The following PIK3C2G variants were observed in gnomAD, a reference collection of about 807,000 sequenced individuals.
PIK3C2G encodes the protein phosphatidylinositol 3-kinase C2 domain-containing subunit gamma.
A neutral mutation model predicts 181.1 loss-of-function variants in PIK3C2G; 168 were observed. The ratio of observed to expected loss-of-function variants is 0.93; its 90% CI spans 0.82 to 1.05. The LOEUF is 1.05. Among genes scored for constraint, PIK3C2G ranks in the 50% least tolerant of loss-of-function variants. The probability of loss-of-function intolerance (pLI) is 0.00; values close to 1 mark genes in which losing one functional copy is unlikely to be tolerated. For synonymous variants in PIK3C2G, 573 were observed against 592.2 expected (o/e 0.97, Z 0.47); for missense variants, 1,869 against 1,732.8 (o/e 1.08, Z -1.40).
chr12:18,445,987 T>C (rs1238118067), intron 18 of PIK3C2G, among the ~76,000 whole-genome samples: 1 of 152,216 alleles, frequency 6.6e-6, no homozygotes, highest in African/African-American at 2.4e-5. Flanking sequence ...CATTGTAGTC[T>C]CATTTGCATC....
intron 28 of PIK3C2G, among the ~76,000 whole-genome samples, chr12:18,564,427 A>G (rs1462740916): frequency 6.6e-6 from 1 of 150,920 alleles, no homozygotes; most frequent in African/African-American, 2.4e-5. Context: ...GGCATACTTG[A>G]TACATGTGGA....
At chr12:18,428,316 C>T (rs1945954699) in intron 18 of PIK3C2G, among the ~76,000 whole-genome samples, 1 of 150,426 alleles carries the variant, frequency 6.6e-6, no homozygotes. Context: ...AATATCTTTC[C>T]TTAAAAAAAA....
chr12:18,257,343 A>G (rs1426503045), upstream of PIK3C2G, among the ~76,000 whole-genome samples: 1 of 152,204 alleles, frequency 6.6e-6, no homozygotes, highest in Non-Finnish European at 1.5e-5. Context: ...GATTCATTTA[A>G]CACAGAGAAT....
intron 23 of PIK3C2G, 129 bp from the exon 24 acceptor site, chr12:18,505,163 C>A: frequency 1.4e-6 from 1 of 698,448 alleles, no homozygotes; most frequent in Non-Finnish European, 2.4e-6. Context: ...CTCCTGTCCA[C>A]TGAGATGTAG....
At chr12:18,417,221 G>A (rs1945231015) in intron 16 of PIK3C2G, among the ~76,000 whole-genome samples, 1 of 152,194 alleles carries the variant, frequency 6.6e-6, no homozygotes, top group African/African-American at 2.4e-5. Context: ...TTGAAGGGAT[G>A]AGGAGTTGCT....
At chr12:18,397,072 A>G (rs937875420) in intron 15 of PIK3C2G, among the ~76,000 whole-genome samples, 1 of 151,952 alleles carries the variant, frequency 6.6e-6, no homozygotes, top group Non-Finnish European at 1.5e-5. Flanking sequence ...GGACAGGCAA[A>G]TAGATCAACA....
At chr12:18,357,228 A>G (rs1940824598) in intron 11 of PIK3C2G, among the ~76,000 whole-genome samples, 1 of 152,170 alleles carries the variant, frequency 6.6e-6, no homozygotes, top group Non-Finnish European at 1.5e-5. Flanking sequence ...CATATATAAT[A>G]GTTTAAATTA....
chr12:18,480,708 A>T (rs76152346), intron 18 of PIK3C2G, among the ~76,000 whole-genome samples: 375 of 152,212 alleles, frequency 2.5e-3, no homozygotes, highest in Admixed American at 7.3e-3. Context: ...AAGTGACCAT[A>T]CCATTTCTAA....
At chr12:18,296,466 G>C (rs1392031850) in intron 5 of PIK3C2G, among the ~76,000 whole-genome samples, 1 of 151,928 alleles carries the variant, frequency 6.6e-6, no homozygotes, top group Non-Finnish European at 1.5e-5. Flanking sequence ...AATGACTTAA[G>C]AACTTAGACT....
chr12:18,343,338 A>G lies in PIK3C2G; in HGVS notation c.1407A>G (p.Gln469=). 7.3e-7 allele frequency: 1 copy of G among 1,369,094 alleles called. No individual in the cohort carries two copies. The highest frequency in any genetic ancestry group is 1.5e-5 in the African/African-American group (1 of 68,874). The allele number at this position is 1,369,094 out of a possible 1,614,324, so 84.8% of individuals were successfully genotyped here. ...ACATTTTTTTTCAGAATTTTTATCAAAGTTCAGAGACTTCAGCAAAAGGTA... is the reference window on the plus strand; with the variant it reads ...ACATTTTTTTTCAGAATTTTTATCAGAGTTCAGAGACTTCAGCAAAAGGTA... The part of the protein sequence containing the change: ...ILQRKGENFY[Q]SSETSAKGLI... The change falls in exon 10 of 33, where the codon CAA becomes CAG. Residue 469 remains glutamine, a synonymous_variant. Coordinates refer to ENST00000538779, the MANE Select transcript of PIK3C2G (RefSeq NM_001288772.2).
intron 6 of PIK3C2G, among the ~76,000 whole-genome samples, chr12:18,317,179 A>G (rs1950904577): frequency 6.6e-6 from 1 of 151,362 alleles, no homozygotes; most frequent in African/African-American, 2.4e-5. Context: ...ATGCCTGGCT[A>G]ATTTTTGTAT....
the PIK3C2G span, chr12:18,712,828 A>G: frequency 1.2e-6 from 2 of 1,612,734 alleles, no homozygotes; most frequent in South Asian, 2.2e-5. Flanking sequence ...AGTTGAACAA[A>G]GATATGTACA....
intron 31 of PIK3C2G, among the ~76,000 whole-genome samples, chr12:18,629,894 T>G (rs1949274315): frequency 6.6e-6 from 1 of 152,236 alleles, no homozygotes; most frequent in Non-Finnish European, 1.5e-5. Context: ...TAACAGGAAC[T>G]ATTTCAATTA....
At chr12:18,669,079 T>G in the PIK3C2G span, among the ~76,000 whole-genome samples, 1 of 152,202 alleles carries the variant, frequency 6.6e-6, no homozygotes, top group Non-Finnish European at 1.5e-5. Context: ...TGTTCTGCAT[T>G]TTCATGGTAC....
the PIK3C2G span, among the ~76,000 whole-genome samples, chr12:18,668,866 A>G: frequency 6.6e-6 from 1 of 152,146 alleles, no homozygotes; most frequent in South Asian, 2.1e-4. Context: ...ACACCGGACA[A>G]AAATTCTGAT....
the PIK3C2G span, among the ~76,000 whole-genome samples, chr12:18,707,287 C>T: frequency 6.6e-6 from 1 of 152,122 alleles, no homozygotes; most frequent in Non-Finnish European, 1.5e-5. Flanking sequence ...TAGAGTGAGT[C>T]CACTGACTCA....
intron 13 of PIK3C2G, among the ~76,000 whole-genome samples, chr12:18,376,290 G>A (rs561463085): frequency 6.6e-6 from 1 of 152,266 alleles, no homozygotes. Context: ...TGGAGTCAAG[G>A]GTTATTTTGG....
At chr12:18,371,100 A>G in intron 12 of PIK3C2G, 80 bp from the exon 13 acceptor site, 1 of 1,179,668 alleles carries the variant, frequency 8.5e-7, no homozygotes, top group African/African-American at 1.6e-5. Flanking sequence ...TTTGTCCCAG[A>G]CCAGTACATT....
At chr12:18,296,629 A>G (rs1335333995) in intron 5 of PIK3C2G, among the ~76,000 whole-genome samples, 4 of 152,134 alleles carry the variant, frequency 2.6e-5, no homozygotes, top group Non-Finnish European at 5.9e-5. Flanking sequence ...TATATCAACT[A>G]TACTATTTTT....
Sources: gnomAD v4.1 joint callset for allele counts (sites outside exome capture counted in the v4.1 genomes callset) on GRCh38, gnomAD v4.1.1 for gene constraint, MANE v1.5 for transcripts, NCBI Gene and HGNC (gene_info 2026-07-23, HGNC 2026-07-21) for gene names.